The following CPS1 variants were observed in gnomAD, a reference collection of about 807,000 sequenced individuals.
The protein encoded by CPS1 is carbamoyl-phosphate synthase 1, also known as carbamoyl-phosphate synthase [ammonia], mitochondrial.
In CPS1, 109 loss-of-function variants were observed where a neutral mutation model predicts 174.6. That is an observed-to-expected ratio of 0.62 (90% CI 0.53 to 0.73). The LOEUF (loss-of-function observed/expected upper bound fraction) is 0.73, where lower values mean the gene tolerates loss of function less well. CPS1 is among the 30% of genes least tolerant of loss of function. The pLI is 0.00. For synonymous variants in CPS1, 637 were observed against 632.0 expected, an observed-to-expected ratio of 1.01 and a Z score of -0.12; for missense variants, 1,689 against 1,821.9, an observed-to-expected ratio of 0.93 and a Z score of 1.33.
intron 21 of CPS1, among the ~76,000 whole-genome samples, chr2:210,623,394 G>T (rs1699596950): frequency 6.6e-6 from 1 of 151,652 alleles, no homozygotes; most frequent in African/African-American, 2.4e-5. Flanking sequence ...TCCAGATATT[G>T]CTTTTGTCTA....
At chr2:210,661,359 C>A (rs567588627) in intron 32 of CPS1, among the ~76,000 whole-genome samples, 1 of 151,982 alleles carries the variant, frequency 6.6e-6, no homozygotes, top group South Asian at 2.1e-4. Flanking sequence ...GATATATAAA[C>A]GTATTTGAAT....
At chr2:210,666,212 G>C (rs1701091898) in intron 33 of CPS1, among the ~76,000 whole-genome samples, 1 of 150,766 alleles carries the variant, frequency 6.6e-6, no homozygotes, top group Admixed American at 6.6e-5. Context: ...GTTCATTGTA[G>C]ATTCTGGATA....
At chr2:210,556,482 T>G, upstream of CPS1, 1 of 986,828 alleles carries the variant, frequency 1.0e-6, no homozygotes, top group Non-Finnish European at 1.5e-6. Flanking sequence ...GTATTTGATG[T>G]GTTGCAATTT....
intron 24 of CPS1, among the ~76,000 whole-genome samples, chr2:210,640,538 T>C (rs1700188249): frequency 6.6e-6 from 1 of 152,230 alleles, no homozygotes; most frequent in African/African-American, 2.4e-5. Flanking sequence ...GGGTAGAGCA[T>C]TATGTAGGTG....
chr2:210,505,625 AT>A (rs1224082951), intron 1 of CPS1, among the ~76,000 whole-genome samples: 1 of 152,160 alleles, frequency 6.6e-6, no homozygotes, highest in Non-Finnish European at 1.5e-5. Context: ...GGGTCAGGGA[AT>A]TCCCTTTCTT....
chr2:210,563,285 C>G (rs535871313), intron 1 of CPS1, among the ~76,000 whole-genome samples: 2 of 152,118 alleles, frequency 1.3e-5, no homozygotes, highest in East Asian at 3.9e-4. Context: ...TTTGATTTTT[C>G]CTTTTCTTTT....
chr2:210,515,431 G>A (rs948243389), intron 1 of CPS1, among the ~76,000 whole-genome samples: 3 of 151,652 alleles, frequency 2.0e-5, no homozygotes, highest in Non-Finnish European at 2.9e-5. Flanking sequence ...TTAAATGTTA[G>A]TAGATTGTGT....
In CPS1 at chr2:210,637,907, C is replaced by T. The variant is rs1020456011; in HGVS notation, c.2829+64C>T. 49 of 1,572,786 alleles carry T rather than the reference C, an allele frequency of 3.1e-5. No homozygotes were observed. In the East Asian group the frequency reaches 8.5e-4, roughly 27 times the overall value. On this transcript the variant is annotated intron_variant, in intron 22 of 37. Coordinates refer to ENST00000233072, the MANE Select transcript of CPS1 (RefSeq NM_001875.5). ...GGATTTCTGTGGTAAAACGTAGGCA[C>T]CCATTCAAAAGGCCATTGTTAATAA...
In CPS1 at chr2:210,674,840, C is replaced by A. The variant is rs1221199201; in HGVS notation, c.4102-62C>A. The A allele has an allele frequency of 2.4e-6, 3 of 1,238,230 alleles. No homozygotes were observed. The East Asian group carries it at 7.0e-5, about 29-fold the overall frequency. The allele number at this position is 1,238,230 out of a possible 1,614,324, so 76.7% of individuals were successfully genotyped here. On this transcript the variant is annotated intron_variant, in intron 34 of 37. Coordinates refer to ENST00000233072, the MANE Select transcript of CPS1 (RefSeq NM_001875.5). ...CTTTTAAGATGTTGTAAGGAAATAC[C>A]ATATTGCATAAATGAAGAGCATGTA...
At chr2:210,612,383 G>C in intron 20 of CPS1, 90 bp downstream of exon 20, 2 of 1,509,544 alleles carry the variant, frequency 1.3e-6, no homozygotes, top group African/African-American at 2.8e-5. Flanking sequence ...TCACAAAGTG[G>C]TTTTAAATCA....
chr2:210,577,928 C>T (rs1697769776), intron 4 of CPS1, among the ~76,000 whole-genome samples: 1 of 151,982 alleles, frequency 6.6e-6, no homozygotes, highest in Non-Finnish European at 1.5e-5. Flanking sequence ...GTGCAGGTCA[C>T]ATAATCATTC....
rs183537859 is a variant in CPS1 at position 210,603,591 on chromosome 2, A to T, written c.1836+1261A>T. Among the ~76,000 whole-genome samples the T allele has an allele frequency of 1.4e-3, 217 of 152,032 alleles. 1 individual carries two copies. The highest frequency in any genetic ancestry group is 0.01 in the South Asian group (49 of 4,824). ...AACAACTTCATAACTGCCAATTGTG[A>T]CAGTGTATACATATTCTCTATTAAT... On this transcript the variant is annotated intron_variant, in intron 16 of 37. Coordinates refer to ENST00000233072, the MANE Select transcript of CPS1 (RefSeq NM_001875.5).
intron 1 of CPS1, among the ~76,000 whole-genome samples, chr2:210,500,465 G>A (rs1403648319): frequency 6.6e-6 from 1 of 152,224 alleles, no homozygotes. Flanking sequence ...TAGATACAGT[G>A]GAGGTACAGG....
intron 28 of CPS1, among the ~76,000 whole-genome samples, chr2:210,651,794 C>T (rs1700567287): frequency 6.6e-6 from 1 of 152,068 alleles, no homozygotes; most frequent in Non-Finnish European, 1.5e-5. Context: ...AGAGTAAAAC[C>T]AGCCCCAATC....
chr2:210,577,273 G>C (rs1647493995), intron 3 of CPS1, 148 bp from the exon 4 acceptor site: 1 of 678,108 alleles, frequency 1.5e-6, no homozygotes, highest in Admixed American at 2.4e-5. Context: ...GAAGGGCATT[G>C]ATTTTTTTTT....
At chr2:210,555,241 C>T (rs1696876031), upstream of CPS1, among the ~76,000 whole-genome samples, 1 of 151,990 alleles carries the variant, frequency 6.6e-6, no homozygotes, top group Admixed American at 6.6e-5. Context: ...TTTTTCCCCT[C>T]TTTATCTACT....
intron 27 of CPS1, among the ~76,000 whole-genome samples, chr2:210,649,838 G>C (rs1473394858): frequency 6.6e-6 from 1 of 152,108 alleles, no homozygotes; most frequent in African/African-American, 2.4e-5. Context: ...TAGTTGAAAA[G>C]GTTTTATTCA....
chr2:210,648,204 A>G (rs957913584), intron 26 of CPS1, 147 bp downstream of exon 26: 4 of 802,828 alleles, frequency 5.0e-6, no homozygotes, highest in Non-Finnish European at 8.1e-6. Flanking sequence ...TTGTATATCC[A>G]TGATTGCAGT....
rs1701556702 is a variant in CPS1 at position 210,676,993 on chromosome 2, GTTTA to G, written c.4275-10_4275-7del. Reference sequence around the variant, plus strand: ...TATGCCTTGTTGTCTATAAGTTTTTGTTTATTTTTCCAGATTGATTAGAGATGGC... The same window carrying G: ...TATGCCTTGTTGTCTATAAGTTTTTGTTTTTCCAGATTGATTAGAGATGGC... On this transcript the variant is annotated splice_polypyrimidine_tract_variant and intron_variant, in intron 36 of 37. Coordinates refer to ENST00000233072, the MANE Select transcript of CPS1 (RefSeq NM_001875.5). The G allele has an allele frequency of 6.2e-7, 1 of 1,612,146 alleles. No individual in the cohort carries two copies. Among genetic ancestry groups the G allele is most frequent in the Admixed American group, 1.7e-5 (1 of 59,990 alleles).
Sources: allele counts gnomAD v4.1 joint callset (sites outside exome capture counted in the v4.1 genomes callset), GRCh38; gene constraint gnomAD v4.1.1; transcripts MANE v1.5; gene names NCBI Gene and HGNC (gene_info 2026-07-23, HGNC 2026-07-21).